Variants in ST3GAL5 observed in about 807,000 individuals in gnomAD.
The protein encoded by ST3GAL5 is lactosylceramide alpha-2,3-sialyltransferase.
ST3GAL5 carries 25 observed loss-of-function variants against 46.1 expected under a neutral mutation model. The ratio of observed to expected loss-of-function variants is 0.54; its 90% confidence interval spans 0.40 to 0.76. The LOEUF is 0.76. Ranked by LOEUF, ST3GAL5 falls within the 30% of genes least tolerant of loss-of-function variation. The pLI is 0.00. For synonymous variants in ST3GAL5, 182 were observed against 192.7 expected (o/e 0.94, Z 0.46); for missense variants, 431 against 521.2 (o/e 0.83, Z 1.69).
intron 1 of ST3GAL5, among the ~76,000 whole-genome samples, chr2:85,869,200 C>T (rs1004693298): frequency 6.6e-6 from 1 of 152,116 alleles, no homozygotes; most frequent in African/African-American, 2.4e-5. Context: ...TAGGCATGTG[C>T]CATTGCACCC....
chr2:85,846,474 G>A lies in ST3GAL5; in HGVS notation c.752C>T (p.Ser251Phe). 1 of 1,614,190 alleles carries A rather than the reference G, an allele frequency of 6.2e-7. No homozygotes were observed. The highest frequency in any genetic ancestry group is 8.5e-7 in the Non-Finnish European group (1 of 1,180,020). ...RMTYPEGAPL[S>F]DLEYYSNDLF... ...GTCATTGGAATAATATTCAAGGTCA[G>A]ACAGTGGTGCGCCCTCTGGATAAGT... is the stretch of plus-strand genomic sequence containing the variant. The change falls in exon 5 of 7, where the codon TCT becomes TTT. Residue 251 changes from serine (S) to phenylalanine (F), a missense_variant. Ser to Phe is a radical substitution (Grantham distance 155). Coordinates refer to ENST00000638572, the MANE Select transcript of ST3GAL5 (RefSeq NM_003896.4).
chr2:85,846,268 A>T, intron 5 of ST3GAL5, 109 bp downstream of exon 5: 1 of 971,514 alleles, frequency 1.0e-6, no homozygotes. Context: ...GACAACACAT[A>T]AGTATGCATT....
rs1435450622 is a variant in ST3GAL5, at chr2:85,888,923, G to C, written c.-18C>G. On this transcript the variant is annotated 5_prime_UTR_variant, in exon 1 of 7. Coordinates refer to ENST00000638572, the MANE Select transcript of ST3GAL5 (RefSeq NM_003896.4). ...GTCCGCATACTAATGAGGGGGCGCC[G>C]GCCGGCCGCCAGCCCGGTACCCCGC... 2.2e-6 allele frequency: 3 copies of C among 1,342,102 alleles called. No homozygotes were observed. The highest frequency in any genetic ancestry group is 3.0e-5 in the African/African-American group (2 of 65,596). 83.1% of individuals were successfully genotyped at this position (1,342,102 alleles called of 1,614,324 possible).
rs199523253 is a variant in ST3GAL5, at chr2:85,839,978, GA to G, written c.*165del. On this transcript the variant is annotated 3_prime_UTR_variant, in exon 7 of 7. Transcript: ENST00000638572. Reference sequence around the variant, plus strand: ...ACAAACACTGACCTCAAATAAATAGGAAAAAAAAAGTGGGAAGAGCTAAAAT... The same window carrying G: ...ACAAACACTGACCTCAAATAAATAGGAAAAAAAAGTGGGAAGAGCTAAAAT... 281 of 919,552 alleles carry G rather than the reference GA, an allele frequency of 3.1e-4. No individual in the cohort carries two copies. Among genetic ancestry groups the G allele is most frequent in the Non-Finnish European group, 3.7e-4 (228 of 620,788 alleles). The allele number at this position is 919,552 out of a possible 1,614,324, so 57.0% of individuals were successfully genotyped here.
intron 1 of ST3GAL5, among the ~76,000 whole-genome samples, chr2:85,881,689 A>G (rs1490040726): frequency 6.6e-6 from 1 of 152,256 alleles, no homozygotes; most frequent in Admixed American, 6.5e-5. Flanking sequence ...CTAAGCAGGA[A>G]AGCAGTCAAG....
intron 3 of ST3GAL5, among the ~76,000 whole-genome samples, chr2:85,857,595 T>G: frequency 6.9e-6 from 1 of 145,650 alleles, no homozygotes; most frequent in Non-Finnish European, 1.5e-5. Context: ...CAAGGACCTG[T>G]GAGGGGTTGA....
At chr2:85,871,192 A>G (rs1203162746) in intron 1 of ST3GAL5, among the ~76,000 whole-genome samples, 1 of 152,078 alleles carries the variant, frequency 6.6e-6, no homozygotes, top group Non-Finnish European at 1.5e-5. Context: ...GTGCACCACC[A>G]TACCCAGCTG....
intron 3 of ST3GAL5, chr2:85,848,494 A>C (rs1683097671): frequency 9.2e-7 from 1 of 1,082,280 alleles, no homozygotes. Context: ...GTTCAAATAC[A>C]TTTGGGGTGA....
At chr2:85,885,590 AG>A (rs1200835808) in intron 1 of ST3GAL5, among the ~76,000 whole-genome samples, 3 of 152,180 alleles carry the variant, frequency 2.0e-5, no homozygotes. Context: ...GCACTTTGGG[AG>A]GCCGAGGTGG....
rs1463997739 is a variant in ST3GAL5 at position 85,838,993 on chromosome 2, G to GTC, written c.*1149_*1150dup. On this transcript the variant is annotated 3_prime_UTR_variant, in exon 7 of 7. Coordinates refer to ENST00000638572, the MANE Select transcript of ST3GAL5 (RefSeq NM_003896.4). ...CATCTCTTCAGAAGGGTTCACAGTT[G>GTC]TCTGGACTCAAGCAGCTTGCAGGAC... 6.6e-6 allele frequency: 1 copy of GTC among 152,316 alleles called. No homozygotes were observed. Among genetic ancestry groups the GTC allele is most frequent in the African/African-American group, 2.4e-5 (1 of 41,452 alleles). The allele number at this position is 152,316 out of a possible 1,614,324, so 9.4% of individuals were successfully genotyped here. A position where few individuals can be genotyped will look rare whatever the true frequency, so the allele number is the denominator to read the frequency against.
intron 1 of ST3GAL5, among the ~76,000 whole-genome samples, chr2:85,866,988 G>GAATAAAGC (rs1293125354): frequency 2.0e-5 from 3 of 152,174 alleles, no homozygotes; most frequent in African/African-American, 7.2e-5. Flanking sequence ...ATAATGGCAA[G>GAATAAAGC]AATAAAGCAT....
In ST3GAL5 at chr2:85,847,597, C is replaced by A. The variant is rs1169655148; in HGVS notation, c.662+264G>T. On this transcript the variant is annotated intron_variant, in intron 4 of 6. Coordinates refer to ENST00000638572, the MANE Select transcript of ST3GAL5 (RefSeq NM_003896.4). ...AAAGGTTGGTTTTAAAAGCGATGTA[C>A]CCCAGTCTGGGCAATTCGGAGAAAC... 1.6e-5 allele frequency: 20 copies of A among 1,237,466 alleles called. No individual in the cohort carries two copies. The South Asian group carries it at 3.0e-4, about 19-fold the overall frequency. The allele number at this position is 1,237,466 out of a possible 1,614,324, so 76.7% of individuals were successfully genotyped here. A position where few individuals can be genotyped will look rare whatever the true frequency, so the allele number is the denominator to read the frequency against.
chr2:85,883,401 C>T (rs1687403104), intron 1 of ST3GAL5, among the ~76,000 whole-genome samples: 1 of 152,184 alleles, frequency 6.6e-6, no homozygotes, highest in South Asian at 2.1e-4. Flanking sequence ...TGAGACCTTC[C>T]CCAGCCACGT....
intron 1 of ST3GAL5, chr2:85,888,207 G>A (rs72934709): frequency 0.02 from 3,033 of 152,316 alleles, 94 homozygotes; most frequent in African/African-American, 0.069. Flanking sequence ...GGATGCTCTC[G>A]GAAAACCCTG....
chr2:85,886,453 G>A (rs1341135801), intron 1 of ST3GAL5, among the ~76,000 whole-genome samples: 1 of 152,044 alleles, frequency 6.6e-6, no homozygotes, highest in Non-Finnish European at 1.5e-5. Context: ...GTTGATCTAA[G>A]TGCTGAGTGC....
chr2:85,889,004 C>G (rs1045409068), upstream of ST3GAL5: 3 of 949,524 alleles, frequency 3.2e-6, no homozygotes. Flanking sequence ...GGCCGCCGCT[C>G]CCCCGCTCAG....
chr2:85,845,708 T>A (rs748920265), intron 5 of ST3GAL5: 1 of 135,640 alleles, frequency 7.4e-6, no homozygotes, highest in Non-Finnish European at 1.6e-5. Context: ...CGATTTCAAC[T>A]GGGGGGCAGG....
Position 85,861,203 on chromosome 2 carries a change from T to C in ST3GAL5, c.296A>G (p.Tyr99Cys), listed in dbSNP as rs568003096. 2.5e-6 allele frequency: 4 copies of C among 1,611,170 alleles called. No homozygotes were observed. Among genetic ancestry groups the C allele is most frequent in the Middle Eastern group, 1.7e-4 (1 of 5,854 alleles). ...TEECDMKKMH[Y>C]VDPDHVKRAQ... Reference sequence around the variant, plus strand: ...AACCTTTACATGGTCAGGGTCCACATAATGCATTTTTTTCATGTCACATTC... The same window carrying C: ...AACCTTTACATGGTCAGGGTCCACACAATGCATTTTTTTCATGTCACATTC... The change falls in exon 3 of 7, where the codon TAT becomes TGT. Residue 99 changes from tyrosine (Y) to cysteine (C), a missense_variant. Transcript: ENST00000638572.
chr2:85,852,601 G>C (rs1007358117), intron 3 of ST3GAL5, among the ~76,000 whole-genome samples: 7 of 152,150 alleles, frequency 4.6e-5, no homozygotes, highest in Non-Finnish European at 1.0e-4. Context: ...CTGCAGAGGG[G>C]CTCCGGGGAA....
Sources: allele counts gnomAD v4.1 joint callset (sites outside exome capture counted in the v4.1 genomes callset), GRCh38; gene constraint gnomAD v4.1.1; transcripts MANE v1.5; gene names NCBI Gene and HGNC (gene_info 2026-07-23, HGNC 2026-07-21).